Variants in IPO7 observed in about 807,000 individuals in gnomAD.
IPO7 encodes importin 7.
A neutral mutation model predicts 136.4 loss-of-function variants in IPO7; 13 were observed. That is an observed-to-expected ratio of 0.10 (90% CI 0.06 to 0.15). The LOEUF is 0.15. Among genes scored for constraint, IPO7 ranks in the 10% least tolerant of loss-of-function variants. The pLI, the probability that IPO7 is intolerant of heterozygous loss-of-function variation, is 1.00. For missense variants in IPO7, 857 were observed against 1,240.6 expected, an observed-to-expected ratio of 0.69 and a Z score of 4.65; for synonymous variants, 403 against 404.4, an observed-to-expected ratio of 1.00 and a Z score of 0.04.
At position 9,446,977 on chromosome 11, in the gene IPO7, A is replaced by G. The variant is rs1259956893; in HGVS notation, c.*1783A>G. The G allele has an allele frequency of 6.6e-6, 1 of 152,186 alleles. No individual in the cohort carries two copies. The highest frequency in any genetic ancestry group is 1.9e-4 in the East Asian group (1 of 5,198). 9.4% of individuals were successfully genotyped at this position (152,186 alleles called of 1,614,324 possible). On this transcript the variant is annotated 3_prime_UTR_variant, in exon 25 of 25. Coordinates refer to ENST00000379719, the MANE Select transcript of IPO7 (RefSeq NM_006391.3). ...AAAATCCCCTGAAAGTTGGACACCA[A>G]CTGTATACCCTAGGTTGCTTAAAGG...
intron 1 of IPO7, among the ~76,000 whole-genome samples, chr11:9,389,396 C>T (rs775990946): frequency 6.6e-5 from 10 of 152,088 alleles, no homozygotes; most frequent in Non-Finnish European, 1.0e-4. Flanking sequence ...ATACTCATTC[C>T]GAAGGATAAT....
chr11:9,433,508 G>A (rs1011096315), intron 16 of IPO7, 62 bp from the exon 17 acceptor site: 10 of 1,114,560 alleles, frequency 9.0e-6, no homozygotes, highest in South Asian at 5.1e-5. Context: ...TATAATATGC[G>A]TTGTCTTACT....
At chr11:9,438,356 G>A in intron 22 of IPO7, 71 bp downstream of exon 22, 6 of 979,148 alleles carry the variant, frequency 6.1e-6, no homozygotes, top group Non-Finnish European at 9.5e-6. Context: ...GCCGGGCGCA[G>A]TGGCTCAGGC....
intron 2 of IPO7, among the ~76,000 whole-genome samples, chr11:9,407,067 T>G (rs1160968120): frequency 6.6e-6 from 1 of 152,150 alleles, no homozygotes; most frequent in Non-Finnish European, 1.5e-5. Flanking sequence ...GGGCAAAAAA[T>G]GTTTAAAATT....
At chr11:9,388,637 C>T (rs1482787059) in intron 1 of IPO7, among the ~76,000 whole-genome samples, 3 of 151,844 alleles carry the variant, frequency 2.0e-5, no homozygotes, top group Admixed American at 6.6e-5. Context: ...TGCCACTATG[C>T]CCAATTAATT....
rs572225154 is a variant in IPO7 at position 9,447,645 on chromosome 11, ATTT to A, written c.*2458_*2460del. ...TTTCCTACAGTTTTATTACCCTGTA[ATTT>A]TTTTTTAGTTGTAGAAGTTAATTCT... On this transcript the variant is annotated 3_prime_UTR_variant, in exon 25 of 25. Coordinates refer to ENST00000379719, the MANE Select transcript of IPO7 (RefSeq NM_006391.3). 6.6e-6 allele frequency: 1 copy of A among 151,058 alleles called. No homozygotes were observed. 9.4% of individuals were successfully genotyped at this position (151,058 alleles called of 1,614,324 possible). A position where few individuals can be genotyped will look rare whatever the true frequency, so the allele number is the denominator to read the frequency against.
chr11:9,423,400 A>C (rs1052187612), intron 9 of IPO7, among the ~76,000 whole-genome samples: 4 of 152,200 alleles, frequency 2.6e-5, no homozygotes, highest in Non-Finnish European at 4.4e-5. Context: ...TTGGACTATG[A>C]TTATATTTTA....
chr11:9,421,760 C>A (rs1322481700), intron 8 of IPO7, among the ~76,000 whole-genome samples: 1 of 150,514 alleles, frequency 6.6e-6, no homozygotes, highest in Admixed American at 6.6e-5. Flanking sequence ...CTGGCTAACA[C>A]AGTGAAACCC....
chr11:9,416,192 C>G (rs927522170), intron 5 of IPO7, among the ~76,000 whole-genome samples: 1 of 152,172 alleles, frequency 6.6e-6, no homozygotes, highest in African/African-American at 2.4e-5. Context: ...GAAGAAAGAT[C>G]TATGACTTCA....
Position 9,429,200 on chromosome 11 carries a change from A to C in IPO7, c.1591+4A>C, listed in dbSNP as rs1410975062. ...TTGATCAGCAATCAAGAAAAAGGTA[A>C]AGGATTTTTGTATGTCAAGAAAAGT... On this transcript the variant is annotated splice_donor_region_variant and intron_variant, in intron 14 of 24. Transcript: ENST00000379719. The C allele has an allele frequency of 1.2e-6, 2 of 1,611,360 alleles. No homozygotes were observed. The highest frequency in any genetic ancestry group is 4.5e-5 in the East Asian group (2 of 44,868).
intron 4 of IPO7, among the ~76,000 whole-genome samples, chr11:9,411,043 A>G (rs1430324192): frequency 6.6e-6 from 1 of 152,168 alleles, no homozygotes; most frequent in African/African-American, 2.4e-5. Flanking sequence ...CCCACCAGCT[A>G]CCCATCTTCC....
At position 9,438,251 on chromosome 11, in the gene IPO7, T is replaced by C. The variant is rs139394038; in HGVS notation, c.2661T>C (p.Asp887=). The change falls in exon 22 of 25, where the codon GAT becomes GAC. Residue 887 remains aspartate (D), a synonymous_variant. Coordinates refer to ENST00000379719, the MANE Select transcript of IPO7 (RefSeq NM_006391.3). ...ATGCAGAACATGAGAATGACAGTGATGATGATGATGAAGCTGAAGATGATG... is the reference window on the plus strand; with the variant it reads ...ATGCAGAACATGAGAATGACAGTGACGATGATGATGAAGCTGAAGATGATG... ...ACHAEHENDS[D]DDDEAEDDDE... 7.6e-5 allele frequency: 121 copies of C among 1,592,254 alleles called. No individual in the cohort carries two copies. In the African/African-American group the frequency reaches 1.5e-3, roughly 20 times the overall value.
chr11:9,442,632 A>C (rs1855474504), intron 24 of IPO7, among the ~76,000 whole-genome samples: 1 of 151,986 alleles, frequency 6.6e-6, no homozygotes, highest in African/African-American at 2.4e-5. Flanking sequence ...CCAGGATGGT[A>C]TCAATCTCCT....
At chr11:9,401,562 A>T (rs540764362) in intron 1 of IPO7, among the ~76,000 whole-genome samples, 24 of 24,582 alleles carry the variant, frequency 9.8e-4, no homozygotes, top group African/African-American at 1.6e-3. Context: ...ACAAAAAATT[A>T]AAAAAAAAAA....
intron 4 of IPO7, 24 bp downstream of exon 4, chr11:9,410,110 T>C (rs1208912362): frequency 2.0e-6 from 3 of 1,485,740 alleles, no homozygotes; most frequent in Non-Finnish European, 1.8e-6. Context: ...TCAACTCCTA[T>C]AGAGCTTTGA....
intron 2 of IPO7, among the ~76,000 whole-genome samples, chr11:9,404,254 A>T (rs1435225930): frequency 6.6e-6 from 1 of 152,110 alleles, no homozygotes; most frequent in East Asian, 1.9e-4. Context: ...TCACAAGATC[A>T]GGAAATCGAG....
chr11:9,398,646 G>C lies in IPO7; in HGVS notation c.85-4644G>C, dbSNP rs190856617. ...TAATACATATCTATGGGATACAGTG[G>C]TGTTTCAGTACATGTATACAACAAC... On this transcript the variant is annotated intron_variant, in intron 1 of 24. Transcript: ENST00000379719. 1.3e-3 allele frequency among the ~76,000 whole-genome samples: 201 copies of C among 152,290 alleles called. 4 individuals are homozygous for C. The highest frequency in any genetic ancestry group is 2.2e-3 in the Admixed American group (34 of 15,290).
chr11:9,442,246 T>G, intron 24 of IPO7, 49 bp downstream of exon 24: 1 of 786,012 alleles, frequency 1.3e-6, no homozygotes, highest in South Asian at 1.6e-5. Flanking sequence ...TTTTATAGGT[T>G]TAAAATTTTA....
At chr11:9,417,691 C>T (rs2133744914) in intron 6 of IPO7, among the ~76,000 whole-genome samples, 1 of 149,166 alleles carries the variant, frequency 6.7e-6, no homozygotes, top group African/African-American at 2.5e-5. Context: ...TATAATTTTT[C>T]TTTATAGTCT....
Sources: gnomAD v4.1 joint callset for allele counts (sites outside exome capture counted in the v4.1 genomes callset) on GRCh38, gnomAD v4.1.1 for gene constraint, MANE v1.5 for transcripts, NCBI Gene and HGNC (gene_info 2026-07-23, HGNC 2026-07-21) for gene names.